Variants in CCDC73 observed in about 807,000 individuals in gnomAD.
CCDC73 encodes coiled-coil domain-containing protein 73.
Under a neutral mutation model 116.5 loss-of-function variants are expected in CCDC73, and 95 were observed. That is an observed-to-expected ratio of 0.82 (90% CI 0.69 to 0.97). The LOEUF (loss-of-function observed/expected upper bound fraction) is 0.97, where lower values mean the gene tolerates loss of function less well. Ranked by LOEUF, CCDC73 falls within the 50% of genes least tolerant of loss-of-function variation. The pLI, the probability that CCDC73 is intolerant of heterozygous loss-of-function variation, is 0.00. For missense variants in CCDC73, 1,066 were observed against 1,206.8 expected, an observed-to-expected ratio of 0.88 and a Z score of 1.73; for synonymous variants, 398 against 401.3, an observed-to-expected ratio of 0.99 and a Z score of 0.10.
At chr11:32,774,279 C>T (rs776423885) in intron 1 of CCDC73, among the ~76,000 whole-genome samples, 2 of 152,128 alleles carry the variant, frequency 1.3e-5, no homozygotes, top group Non-Finnish European at 2.9e-5. Flanking sequence ...TTACAAAGTA[C>T]CTGTTGTTTC....
chr11:32,618,461 G>T (rs115964085), intron 14 of CCDC73, among the ~76,000 whole-genome samples: 2 of 152,104 alleles, frequency 1.3e-5, no homozygotes, highest in South Asian at 2.1e-4. Context: ...TTCCACAGTG[G>T]CTGAACTAAT....
intron 9 of CCDC73, among the ~76,000 whole-genome samples, chr11:32,673,048 A>T (rs1856053543): frequency 6.6e-6 from 1 of 152,234 alleles, no homozygotes; most frequent in African/African-American, 2.4e-5. Flanking sequence ...TCCAAAATAT[A>T]TAAAGAACTC....
intron 1 of CCDC73, among the ~76,000 whole-genome samples, chr11:32,761,688 A>G (rs1431379910): frequency 6.6e-6 from 1 of 152,166 alleles, no homozygotes; most frequent in Non-Finnish European, 1.5e-5. Context: ...TAGGATGGGT[A>G]TGTGTGTGTA....
At chr11:32,754,903 T>C (rs1444689184) in intron 2 of CCDC73, among the ~76,000 whole-genome samples, 2 of 117,890 alleles carry the variant, frequency 1.7e-5, no homozygotes, top group African/African-American at 6.4e-5. Context: ...TTTTTTTTTT[T>C]CTGAGACAGA....
chr11:32,672,066 G>A (rs1856044372), intron 9 of CCDC73, among the ~76,000 whole-genome samples: 1 of 152,044 alleles, frequency 6.6e-6, no homozygotes, highest in Non-Finnish European at 1.5e-5. Flanking sequence ...AATATAATAG[G>A]CAGGCCAGGC....
chr11:32,651,860 G>A (rs146309959), intron 12 of CCDC73, among the ~76,000 whole-genome samples: 201 of 152,238 alleles, frequency 1.3e-3, no homozygotes, highest in African/African-American at 4.4e-3. Flanking sequence ...CCCTTTAGAA[G>A]GATAGAAGTA....
chr11:32,685,795 C>T (rs1171737379), intron 6 of CCDC73, among the ~76,000 whole-genome samples: 4 of 146,438 alleles, frequency 2.7e-5, no homozygotes, highest in Non-Finnish European at 5.9e-5. Flanking sequence ...GATCTCAGCT[C>T]ACTGCAACCT....
In CCDC73 at chr11:32,662,330, A is replaced by C. The variant is rs190581571; in HGVS notation, c.646-7358T>G. Among the ~76,000 whole-genome samples, 1,088 of 152,274 alleles carry C rather than the reference A, an allele frequency of 7.1e-3. 16 individuals carry two copies. The highest frequency in any genetic ancestry group is 0.025 in the African/African-American group (1,049 of 41,546). On this transcript the variant is annotated intron_variant, in intron 9 of 17. Transcript: ENST00000335185. ...TGTAAAAGTGTTCTTATTTCTCCAC[A>C]TACTCTCCAGCTCCTGTTGTTTCCT...
At position 32,602,886 on chromosome 11, in the gene CCDC73, T is replaced by C; in HGVS notation, c.3165A>G (p.Leu1055=). 1 of 1,612,164 alleles carries C rather than the reference T, an allele frequency of 6.2e-7. No homozygotes were observed. The highest frequency in any genetic ancestry group is 1.1e-5 in the South Asian group (1 of 90,400). Residue 1055 remains leucine (L), a synonymous_variant, in exon 18 of 18, where the codon CTA becomes CTG. Coordinates refer to ENST00000335185, the MANE Select transcript of CCDC73 (RefSeq NM_001008391.4). ...TTGGCTGGTTGTCATTTTCTAAACT[T>C]AGTAAATTTTCACTTTTATTTAGTT... The part of the protein sequence containing the change: ...TNQLNKSENL[L]SLENDNQPKK...
chr11:32,812,563 G>A, the CCDC73 span, among the ~76,000 whole-genome samples: 1 of 152,114 alleles, frequency 6.6e-6, no homozygotes, highest in East Asian at 1.9e-4. Context: ...CAGCTACTCG[G>A]GAGGCTGAGG....
At position 32,613,615 on chromosome 11, in the gene CCDC73, G is replaced by A. The variant is rs1016995662; in HGVS notation, c.2703C>T (p.Tyr901=). Residue 901 remains tyrosine, a synonymous_variant, in exon 16 of 18, where the codon TAC becomes TAT. Coordinates refer to ENST00000335185, the MANE Select transcript of CCDC73 (RefSeq NM_001008391.4). The part of the protein sequence containing the change: ...SDKKTEKTPV[Y]MNFSDPGPWS... ...AAGGACCGGGGTCTGAAAAATTCAT[G>A]TATACTGGAGTTTTCTCAGTTTTTT... The A allele has an allele frequency of 2.5e-6, 4 of 1,613,914 alleles. No homozygotes were observed. The highest frequency in any genetic ancestry group is 3.4e-6 in the Non-Finnish European group (4 of 1,179,968).
the CCDC73 span, among the ~76,000 whole-genome samples, chr11:32,811,081 A>AC: frequency 0.1 from 15,531 of 151,430 alleles, 838 homozygotes; most frequent in Non-Finnish European, 0.13. Flanking sequence ...CAACAACAAA[A>AC]AAAAAAAACC....
chr11:32,607,352 A>G (rs1345436043), intron 17 of CCDC73, among the ~76,000 whole-genome samples: 1 of 151,940 alleles, frequency 6.6e-6, no homozygotes, highest in Non-Finnish European at 1.5e-5. Flanking sequence ...TCGGCCTCCC[A>G]AAGTGCTGGG....
chr11:32,711,989 C>T (rs1446286756), intron 3 of CCDC73, among the ~76,000 whole-genome samples: 1 of 152,110 alleles, frequency 6.6e-6, no homozygotes, highest in East Asian at 1.9e-4. Flanking sequence ...CTAGTAGAGG[C>T]TTCTACTAAT....
At chr11:32,603,167 G>A (rs992276778) in intron 17 of CCDC73, 147 bp from the exon 18 acceptor site, 1 of 612,016 alleles carries the variant, frequency 1.6e-6, no homozygotes, top group African/African-American at 1.9e-5. Context: ...CACCAGAAAA[G>A]TATACAATGT....
At chr11:32,689,420 A>C (rs1233499283) in intron 6 of CCDC73, among the ~76,000 whole-genome samples, 1 of 152,138 alleles carries the variant, frequency 6.6e-6, no homozygotes. Context: ...AAAAAGGAAG[A>C]TTTACAATGA....
the CCDC73 span, among the ~76,000 whole-genome samples, chr11:32,820,081 C>T: frequency 6.0e-3 from 906 of 152,160 alleles, 5 homozygotes; most frequent in Admixed American, 9.8e-3. Flanking sequence ...TTCAAAAAGT[C>T]ATTTGAAAGT....
the CCDC73 span, among the ~76,000 whole-genome samples, chr11:32,814,285 C>G: frequency 6.6e-6 from 1 of 152,118 alleles, no homozygotes; most frequent in Non-Finnish European, 1.5e-5. Context: ...ATTGACGGGC[C>G]CTACTAATTT....
At chr11:32,799,240 C>T (rs1285869057), upstream of CCDC73, among the ~76,000 whole-genome samples, 3 of 151,904 alleles carry the variant, frequency 2.0e-5, no homozygotes, top group Admixed American at 6.6e-5. Context: ...TACAGGCCTG[C>T]GCCACCACGC....
Sources: gnomAD v4.1 joint callset for allele counts (sites outside exome capture counted in the v4.1 genomes callset) on GRCh38, gnomAD v4.1.1 for gene constraint, MANE v1.5 for transcripts, NCBI Gene and HGNC (gene_info 2026-07-23, HGNC 2026-07-21) for gene names.